The following DPP6 variants were observed in gnomAD, a reference collection of about 807,000 sequenced individuals.
DPP6 encodes the protein dipeptidyl peptidase like 6.
In DPP6, 69 loss-of-function variants were observed where a neutral mutation model predicts 122.6. The ratio of observed to expected loss-of-function variants is 0.56; its 90% CI spans 0.46 to 0.69. DPP6 has a LOEUF of 0.69. Ranked by LOEUF, DPP6 falls within the 30% of genes least tolerant of loss-of-function variation. DPP6 has a pLI of 0.00. For synonymous variants in DPP6, 418 were observed against 433.1 expected (o/e 0.97, Z 0.43); for missense variants, 928 against 1,116.9 (o/e 0.83, Z 2.41).
At chr7:153,991,265 T>TA (rs1027983725) in intron 1 of DPP6, among the ~76,000 whole-genome samples, 66 of 149,606 alleles carry the variant, frequency 4.4e-4, no homozygotes, top group Admixed American at 2.4e-3. Context: ...AATCAAATAT[T>TA]AAAAAAAAAA....
At chr7:154,132,816 C>T (rs1435841190) in intron 1 of DPP6, among the ~76,000 whole-genome samples, 1 of 152,034 alleles carries the variant, frequency 6.6e-6, no homozygotes, top group Non-Finnish European at 1.5e-5. Flanking sequence ...CACAGCTCCC[C>T]CTCCCGGTAT....
At chr7:153,765,905 A>G in the DPP6 span, among the ~76,000 whole-genome samples, 2 of 152,208 alleles carry the variant, frequency 1.3e-5, no homozygotes, top group African/African-American at 4.8e-5. Flanking sequence ...CTCAAACATC[A>G]GTGTCCACAC....
intron 1 of DPP6, among the ~76,000 whole-genome samples, chr7:154,350,552 G>A (rs535994444): frequency 3.9e-4 from 60 of 152,278 alleles, no homozygotes; most frequent in African/African-American, 1.4e-3. Flanking sequence ...CTAGATCAGC[G>A]GTGTCCACTA....
intron 1 of DPP6, among the ~76,000 whole-genome samples, chr7:154,439,119 T>C (rs1017155260): frequency 6.6e-6 from 1 of 152,238 alleles, no homozygotes; most frequent in African/African-American, 2.4e-5. Context: ...TTGAGGCTAG[T>C]TTGTTAGTTA....
intron 1 of DPP6, among the ~76,000 whole-genome samples, chr7:153,944,182 C>T (rs1220047862): frequency 2.6e-5 from 4 of 152,226 alleles, no homozygotes; most frequent in South Asian, 2.1e-4. Flanking sequence ...AGCCGGGGCT[C>T]GGTCCGTCTG....
At chr7:154,528,034 C>T (rs10464419) in intron 3 of DPP6, among the ~76,000 whole-genome samples, 40,978 of 151,500 alleles carry the variant, frequency 0.27, 6,115 homozygotes, top group Admixed American at 0.4. Flanking sequence ...TCCTAGCTAC[C>T]AATGCAATTT....
chr7:153,935,911 C>T (rs1305615341), intron 1 of DPP6, among the ~76,000 whole-genome samples: 2 of 152,240 alleles, frequency 1.3e-5, no homozygotes, highest in Non-Finnish European at 2.9e-5. Flanking sequence ...CATGTTGCAT[C>T]ACTCTCCAAA....
chr7:154,412,446 T>C (rs1816683209), intron 1 of DPP6, among the ~76,000 whole-genome samples: 1 of 152,106 alleles, frequency 6.6e-6, no homozygotes, highest in African/African-American at 2.4e-5. Context: ...TCTCTTCCTC[T>C]TCTTTTAAGA....
chr7:154,833,744 A>T lies in DPP6; in HGVS notation c.1667-20036A>T, dbSNP rs941834937. On this transcript the variant is annotated intron_variant, in intron 16 of 25. Coordinates refer to ENST00000377770, the MANE Select transcript of DPP6 (RefSeq NM_130797.4). The surrounding 1 kb of genome is among the most constrained non-coding windows in gnomAD (Gnocchi z 4.3). ...CATAGCCACCAGTTAATAGCAGCTG[A>T]TGAGTTTCCATTCTGTGCAAAAAAT... Among the ~76,000 whole-genome samples the T allele has an allele frequency of 6.6e-6, 1 of 152,198 alleles. No homozygotes were observed. The highest frequency in any genetic ancestry group is 2.4e-5 in the African/African-American group (1 of 41,452).
the DPP6 span, among the ~76,000 whole-genome samples, chr7:153,781,280 A>G: frequency 6.6e-6 from 1 of 152,158 alleles, no homozygotes; most frequent in African/African-American, 2.4e-5. Context: ...TCAGTCGGAG[A>G]TGAGAAATAG....
intron 9 of DPP6, among the ~76,000 whole-genome samples, chr7:154,770,874 T>TATGGACACAGCTCCC (rs1352146232): frequency 6.6e-6 from 1 of 152,202 alleles, no homozygotes; most frequent in Non-Finnish European, 1.5e-5. Flanking sequence ...AGTGCCCGAG[T>TATGGACACAGCTCCC]ATGGACACAG....
chr7:154,776,685 G>A (rs1796595857), intron 10 of DPP6, among the ~76,000 whole-genome samples: 1 of 152,194 alleles, frequency 6.6e-6, no homozygotes, highest in South Asian at 2.1e-4. Flanking sequence ...ATTTGCATGG[G>A]ATTCTTGAAG....
chr7:154,033,349 T>C (rs1366932765), intron 1 of DPP6, among the ~76,000 whole-genome samples: 1 of 152,230 alleles, frequency 6.6e-6, no homozygotes, highest in Non-Finnish European at 1.5e-5. Context: ...TCTTTTCCTT[T>C]CTTTGCCCCT....
chr7:154,865,776 T>C (rs1803815415), intron 17 of DPP6, among the ~76,000 whole-genome samples: 2 of 152,156 alleles, frequency 1.3e-5, no homozygotes, highest in South Asian at 4.1e-4. Flanking sequence ...GGACCTCTCC[T>C]CGGTCCTGTT....
intron 1 of DPP6, among the ~76,000 whole-genome samples, chr7:154,388,464 C>T (rs891826308): frequency 1.3e-5 from 2 of 152,122 alleles, no homozygotes; most frequent in African/African-American, 2.4e-5. Flanking sequence ...AGTCTTCCCC[C>T]CAAAACTCTT....
intron 3 of DPP6, among the ~76,000 whole-genome samples, chr7:154,499,426 A>C (rs929780914): frequency 2.0e-5 from 3 of 152,118 alleles, no homozygotes; most frequent in Admixed American, 6.6e-5. Context: ...CTTAGACCAT[A>C]GGTGTGCCTG....
chr7:154,875,432 C>T lies in DPP6; in HGVS notation c.1884-474C>T, dbSNP rs1255159151. On this transcript the variant is annotated intron_variant, in intron 19 of 25. Transcript: ENST00000377770. The surrounding 1 kb of genome is among the most constrained non-coding windows in gnomAD (Gnocchi z 4.5). Reference sequence around the variant, plus strand: ...CATATGGCGGGTTTGCTGTTACTTCCGACTTAACAAGAGACAGACCACGTC... The same window carrying T: ...CATATGGCGGGTTTGCTGTTACTTCTGACTTAACAAGAGACAGACCACGTC... Among the ~76,000 whole-genome samples the T allele has an allele frequency of 1.3e-5, 2 of 152,180 alleles. No individual in the cohort carries two copies. The highest frequency in any genetic ancestry group is 2.9e-5 in the Non-Finnish European group (2 of 68,032).
chr7:153,757,054 T>G, the DPP6 span, among the ~76,000 whole-genome samples: 1 of 123,602 alleles, frequency 8.1e-6, no homozygotes, highest in African/African-American at 2.7e-5. Context: ...AATAGAGTGA[T>G]TGGAATTTTA....
At chr7:154,326,811 T>A (rs1480000846) in intron 1 of DPP6, among the ~76,000 whole-genome samples, 1 of 152,206 alleles carries the variant, frequency 6.6e-6, no homozygotes, top group Non-Finnish European at 1.5e-5. Flanking sequence ...GTAAAATGGA[T>A]TTCCTCGGGG....
Sources: allele counts gnomAD v4.1 joint callset (sites outside exome capture counted in the v4.1 genomes callset), GRCh38; gene constraint gnomAD v4.1.1; non-coding constraint Gnocchi (gnomAD v3.1); transcripts MANE v1.5; gene names NCBI Gene and HGNC (gene_info 2026-07-23, HGNC 2026-07-21).